Variants in KAT14 observed in about 807,000 individuals in gnomAD.
The protein encoded by KAT14 is lysine acetyltransferase 14.
Under a neutral mutation model 78.4 loss-of-function variants are expected in KAT14, and 66 were observed. The observed-to-expected ratio is 0.84, with a 90% CI of 0.69 to 1.03. The LOEUF (loss-of-function observed/expected upper bound fraction) is 1.03. KAT14 is among the 50% of genes least tolerant of loss of function. KAT14 has a pLI of 0.00. For synonymous variants in KAT14, 344 were observed against 359.4 expected, an observed-to-expected ratio of 0.96 and a Z score of 0.48; for missense variants, 870 against 972.5, an observed-to-expected ratio of 0.89 and a Z score of 1.40.
At chr20:18,151,214 G>A (rs958424395) in intron 4 of KAT14, among the ~76,000 whole-genome samples, 4 of 150,946 alleles carry the variant, frequency 2.6e-5, no homozygotes, top group Non-Finnish European at 5.9e-5. Context: ...TTTATTTTTT[G>A]GAGGCAGAGT....
At chr20:18,187,050 G>C (rs994779273) in intron 10 of KAT14, among the ~76,000 whole-genome samples, 3 of 152,146 alleles carry the variant, frequency 2.0e-5, no homozygotes, top group Non-Finnish European at 4.4e-5. Context: ...TTGCTTCAAA[G>C]AAAAATAAAA....
At chr20:18,149,643 A>G in intron 3 of KAT14, among the ~76,000 whole-genome samples, 1 of 152,174 alleles carries the variant, frequency 6.6e-6, no homozygotes, top group East Asian at 1.9e-4. Context: ...ACTGCAATTT[A>G]CTACACTCCT....
chr20:18,178,991 G>A (rs1242707772), intron 7 of KAT14, among the ~76,000 whole-genome samples: 6 of 152,188 alleles, frequency 3.9e-5, no homozygotes, highest in Non-Finnish European at 4.4e-5. Context: ...CTACATGGGA[G>A]AAATAGGCCA....
chr20:18,166,564 A>T (rs2038648417), intron 7 of KAT14, among the ~76,000 whole-genome samples: 1 of 152,238 alleles, frequency 6.6e-6, no homozygotes, highest in Non-Finnish European at 1.5e-5. Context: ...TTATTCTTTA[A>T]CAAGAAGGAA....
rs2037628770 is a variant in KAT14 at position 18,142,618 on chromosome 20, G to C, written c.-43G>C. On this transcript the variant is annotated 5_prime_UTR_variant, in exon 2 of 11. Transcript: ENST00000688188. ...ATTAGGGTCACTGTCCAGTGCTTAGGGTTGTTACTGAGAAGCACTGCCGAG... is the reference window on the plus strand; with the variant it reads ...ATTAGGGTCACTGTCCAGTGCTTAGCGTTGTTACTGAGAAGCACTGCCGAG... 2.5e-6 allele frequency: 4 copies of C among 1,611,850 alleles called. No individual in the cohort carries two copies. Among genetic ancestry groups the C allele is most frequent in the Non-Finnish European group, 3.4e-6 (4 of 1,178,574 alleles).
chr20:18,160,950 G>A (rs2146423654), intron 5 of KAT14, among the ~76,000 whole-genome samples: 1 of 152,198 alleles, frequency 6.6e-6, no homozygotes, highest in South Asian at 2.1e-4. Flanking sequence ...CGAGACAGGT[G>A]GATCATCTGA....
At chr20:18,143,092 A>C in intron 2 of KAT14, 173 bp downstream of exon 2, 1 of 1,399,988 alleles carries the variant, frequency 7.1e-7, no homozygotes, top group Non-Finnish European at 9.3e-7. Flanking sequence ...TGTACTAATG[A>C]AACGTACTGT....
chr20:18,159,517 C>G (rs1366493342), intron 5 of KAT14, among the ~76,000 whole-genome samples: 2 of 152,208 alleles, frequency 1.3e-5, no homozygotes, highest in Non-Finnish European at 2.9e-5. Context: ...TGTTTTCCAT[C>G]TGGTTTTTGT....
intron 3 of KAT14, among the ~76,000 whole-genome samples, chr20:18,146,369 T>TA (rs1188368575): frequency 1.3e-5 from 2 of 151,596 alleles, no homozygotes; most frequent in Non-Finnish European, 2.9e-5. Flanking sequence ...CCCGACTCTA[T>TA]AAAAAACAGG....
chr20:18,161,149 T>C (rs1024849109), intron 5 of KAT14, among the ~76,000 whole-genome samples: 5 of 150,802 alleles, frequency 3.3e-5, no homozygotes, highest in African/African-American at 4.9e-5. Flanking sequence ...CATTCCAGCC[T>C]GGGTGACAGA....
chr20:18,183,337 GTA>G, intron 9 of KAT14, 39 bp downstream of exon 9: 5 of 1,573,254 alleles, frequency 3.2e-6, no homozygotes, highest in Middle Eastern at 1.7e-4. Context: ...TCATTTTTCT[GTA>G]CAGTCCATTC....
chr20:18,185,143 A>T (rs988933532), intron 10 of KAT14, among the ~76,000 whole-genome samples: 16 of 152,158 alleles, frequency 1.1e-4, no homozygotes, highest in Non-Finnish European at 1.9e-4. Flanking sequence ...CAACTCAGAG[A>T]AGTGAGGGTA....
intron 5 of KAT14, among the ~76,000 whole-genome samples, chr20:18,160,721 ACAGG>A (rs1256787461): frequency 6.6e-6 from 1 of 152,138 alleles, no homozygotes; most frequent in African/African-American, 2.4e-5. Context: ...TGCTGGGATT[ACAGG>A]CATGAGCCAT....
chr20:18,184,483 G>C, intron 9 of KAT14, 119 bp from the exon 10 acceptor site: 1 of 790,782 alleles, frequency 1.3e-6, no homozygotes, highest in South Asian at 2.0e-5. Flanking sequence ...TCCAGTTTTG[G>C]TGTTTTTTTT....
In KAT14 at chr20:18,142,744, G is replaced by A; in HGVS notation, c.84G>A (p.Glu28=). The change falls in exon 2 of 11, where the codon GAG becomes GAA. Residue 28 remains glutamate, a synonymous_variant. Coordinates refer to ENST00000688188, the MANE Select transcript of KAT14 (RefSeq NM_001392073.1). ...ATRTSTSEGL[E]EGEVEGETLL... is the part of the protein sequence containing the mutation. ...GAACATCGACCTCAGAAGGACTGGAGGAAGGTGAAGTGGAGGGAGAGACGC... is the reference window on the plus strand; with the variant it reads ...GAACATCGACCTCAGAAGGACTGGAAGAAGGTGAAGTGGAGGGAGAGACGC... 6.2e-7 allele frequency: 1 copy of A among 1,614,220 alleles called. No individual in the cohort carries two copies. Among genetic ancestry groups the A allele is most frequent in the Non-Finnish European group, 8.5e-7 (1 of 1,180,036 alleles).
chr20:18,151,019 T>C (rs2038017680), intron 4 of KAT14, 77 bp downstream of exon 4: 7 of 1,539,806 alleles, frequency 4.5e-6, no homozygotes, highest in Non-Finnish European at 5.3e-6. Flanking sequence ...GACAGCCTAA[T>C]GTAGACTTGT....
upstream of KAT14, among the ~76,000 whole-genome samples, chr20:18,137,708 G>A (rs192263372): frequency 4.6e-3 from 699 of 152,322 alleles, 8 homozygotes; most frequent in African/African-American, 0.016. Context: ...ATCGGGGGTG[G>A]TCTAACGCTG....
Position 18,184,641 on chromosome 20 carries a change from GTGT to G in KAT14, c.2029_2031del (p.Val677del). 6.2e-7 allele frequency: 1 copy of G among 1,613,766 alleles called. No homozygotes were observed. Among genetic ancestry groups the G allele is most frequent in the Non-Finnish European group, 8.5e-7 (1 of 1,179,914 alleles). ...GAGTGTCTGCAGTACCCAGACTTCA[GTGT>G]TGTTGTTCTTTATAAAAAAGTCATC... On this transcript the variant is annotated inframe_deletion, in exon 10 of 11. Transcript: ENST00000688188.
Position 18,137,899 on chromosome 20 carries a change from G to C in KAT14, c.-606G>C. On this transcript the variant is annotated 5_prime_UTR_variant, in exon 1 of 11. Transcript: ENST00000688188. ...GTACAGGCGGCGGTGCGCACTCTGC[G>C]GCGGCCTCTGCGCCTCGGGCGGGCG... is the stretch of plus-strand genomic sequence containing the variant. 6.9e-7 allele frequency: 1 copy of C among 1,439,298 alleles called. No homozygotes were observed. The highest frequency in any genetic ancestry group is 2.7e-5 in the Admixed American group (1 of 37,404). The allele number at this position is 1,439,298 out of a possible 1,614,324, so 89.2% of individuals were successfully genotyped here.
Sources: gnomAD v4.1 joint callset for allele counts (sites outside exome capture counted in the v4.1 genomes callset) on GRCh38, gnomAD v4.1.1 for gene constraint, MANE v1.5 for transcripts, NCBI Gene and HGNC (gene_info 2026-07-23, HGNC 2026-07-21) for gene names.